The following SLC6A19 variants were observed in gnomAD, a reference collection of about 807,000 sequenced individuals.
SLC6A19 encodes sodium-dependent neutral amino acid transporter B(0)AT1.
In SLC6A19, 67 loss-of-function variants were observed where a neutral mutation model predicts 68.3. The observed-to-expected ratio is 0.98, with a 90% CI of 0.81 to 1.20. The LOEUF (loss-of-function observed/expected upper bound fraction) is 1.20. SLC6A19 is among the 50% of genes most tolerant of loss of function. The pLI is 0.00. For synonymous variants in SLC6A19, 392 were observed against 374.9 expected (o/e 1.05, Z -0.53); for missense variants, 813 against 851.6 (o/e 0.95, Z 0.56).
chr5:1,222,525 G>A lies in SLC6A19; in HGVS notation c.*621G>A. On this transcript the variant is annotated 3_prime_UTR_variant, in exon 12 of 12. Coordinates refer to ENST00000304460, the MANE Select transcript of SLC6A19 (RefSeq NM_001003841.3). ...GTGTGACGTGTGTATATGTGAGCAT[G>A]TGTACGTGTGTGTATACGTGTGTTG... is the stretch of plus-strand genomic sequence containing the variant. 2.5e-6 allele frequency: 1 copy of A among 406,726 alleles called. No homozygotes were observed. The highest frequency in any genetic ancestry group is 4.4e-6 in the Non-Finnish European group (1 of 229,228). The allele number at this position is 406,726 out of a possible 1,614,324, so 25.2% of individuals were successfully genotyped here.
At chr5:1,220,236 G>A (rs539434863) in intron 10 of SLC6A19, among the ~76,000 whole-genome samples, 10 of 151,880 alleles carry the variant, frequency 6.6e-5, no homozygotes, top group Non-Finnish European at 1.3e-4. Flanking sequence ...GCGATGAAAC[G>A]CCGTCTCTAC....
At position 1,216,604 on chromosome 5, in the gene SLC6A19, T is replaced by C. The variant is rs781694271; in HGVS notation, c.934T>C (p.Phe312Leu). ...GGTGATTGTGTCCATCATCAACGGCTTCACATCGGTGTATGTGGCCATCGT... is the reference window on the plus strand; with the variant it reads ...GGTGATTGTGTCCATCATCAACGGCCTCACATCGGTGTATGTGGCCATCGT... The part of the protein sequence containing the change: ...DSVIVSIING[F>L]TSVYVAIVVY... The change falls in exon 7 of 12, where the codon TTC becomes CTC. Residue 312 changes from phenylalanine to leucine, a missense_variant. Phe to Leu is a conservative substitution (Grantham distance 22). Transcript: ENST00000304460. 8.7e-6 allele frequency: 14 copies of C among 1,614,056 alleles called. No individual in the cohort carries two copies. The highest frequency in any genetic ancestry group is 1.2e-5 in the Non-Finnish European group (14 of 1,180,056).
rs746261979 is a variant in SLC6A19 at position 1,219,076 on chromosome 5, C to A, written c.1347C>A (p.Ile449=). 1.2e-6 allele frequency: 2 copies of A among 1,613,730 alleles called. No individual in the cohort carries two copies. The highest frequency in any genetic ancestry group is 2.7e-5 in the African/African-American group (2 of 75,048). Residue 449 remains isoleucine (I), a synonymous_variant, in exon 9 of 12, where the codon ATC becomes ATA. Coordinates refer to ENST00000304460, the MANE Select transcript of SLC6A19 (RefSeq NM_001003841.3). ...VVVPLQDLRV[I]PPKWPKEVLT... ...TGCCCCTGCAGGACCTCAGAGTCAT[C>A]CCCCCGAAGTGGCCCAAGGAGGTGC... is the stretch of plus-strand genomic sequence containing the variant.
rs369605197 is a variant in SLC6A19 at position 1,208,836 on chromosome 5, G to A, written c.293G>A (p.Arg98Gln). The stretch of plus-strand genomic sequence containing the variant: ...TTCGCCATCGGGCAGCGGCTGCGGC[G>A]GGGCAGCCTGGGTGTGTGGAGCTCC... ...LEFAIGQRLR[R>Q]GSLGVWSSIH... Residue 98 changes from arginine (R) to glutamine (Q), a missense_variant, in exon 2 of 12, where the codon CGG (arginine) becomes CAG (glutamine). Transcript: ENST00000304460. The A allele has an allele frequency of 2.5e-5, 40 of 1,613,042 alleles. No homozygotes were observed. Among genetic ancestry groups the A allele is most frequent in the African/African-American group, 1.2e-4 (9 of 75,046 alleles).
Position 1,213,722 on chromosome 5 carries a change from C to T in SLC6A19, c.774+149C>T, listed in dbSNP as rs539547353. 148 of 1,055,162 alleles carry T rather than the reference C, an allele frequency of 1.4e-4. 1 individual carries two copies. Among genetic ancestry groups the T allele is most frequent in the South Asian group, 1.0e-3 (77 of 73,460 alleles). 65.4% of individuals were successfully genotyped at this position (1,055,162 alleles called of 1,614,324 possible). A position where few individuals can be genotyped will look rare whatever the true frequency, so the allele number is the denominator to read the frequency against. ...GGCCTGAGGAGGTCCACGGGGCCAG[C>T]GAGGGCAAGGCCTGTCCCTGGGGCC... On this transcript the variant is annotated intron_variant, in intron 5 of 11. Coordinates refer to ENST00000304460, the MANE Select transcript of SLC6A19 (RefSeq NM_001003841.3).
intron 8 of SLC6A19, among the ~76,000 whole-genome samples, chr5:1,217,802 C>G (rs1746249511): frequency 6.6e-6 from 1 of 152,252 alleles, no homozygotes; most frequent in Non-Finnish European, 1.5e-5. Flanking sequence ...CAGCCATGTG[C>G]AGCACCCCCG....
Position 1,212,995 on chromosome 5 carries a change from A to G in SLC6A19, c.664-468A>G, listed in dbSNP as rs1278769230. Among the ~76,000 whole-genome samples, 2 of 58,050 alleles carry G rather than the reference A, an allele frequency of 3.4e-5. No homozygotes were observed. The highest frequency in any genetic ancestry group is 9.8e-4 in the East Asian group (2 of 2,038). The allele number at this position is 58,050 out of a possible 152,430, so 38.1% of individuals were successfully genotyped here. On this transcript the variant is annotated intron_variant, in intron 4 of 11. Coordinates refer to ENST00000304460, the MANE Select transcript of SLC6A19 (RefSeq NM_001003841.3). The surrounding 1 kb of genome is among the most constrained non-coding windows in gnomAD (Gnocchi z 5.1). ...CACGGCCCCCCTCCGCACCATCCCA[A>G]ATACCCAGGCTCCCGCAGGCCCTGC...
chr5:1,221,083 G>A (rs751076126), intron 10 of SLC6A19, 68 bp from the exon 11 acceptor site: 419 of 1,572,390 alleles, frequency 2.7e-4, no homozygotes, highest in Non-Finnish European at 3.5e-4. Context: ...GTAGCAGAAC[G>A]TACAGAAAGC....
In SLC6A19 at chr5:1,212,887, G is replaced by A. The variant is rs1289551805; in HGVS notation, c.663+403G>A. Among the ~76,000 whole-genome samples, 2 of 152,048 alleles carry A rather than the reference G, an allele frequency of 1.3e-5. No homozygotes were observed. Among genetic ancestry groups the A allele is most frequent in the East Asian group, 1.9e-4 (1 of 5,188 alleles). ...GAATCTTTGGTACGAGGTCCAGAGC[G>A]GCCATCCCTTTCTTCTGGTGGGCCG... On this transcript the variant is annotated intron_variant, in intron 4 of 11. Transcript: ENST00000304460. This position sits in a 1 kb window ranked among gnomAD's most constrained non-coding sequence, Gnocchi z 5.1.
intron 5 of SLC6A19, 42 bp from the exon 6 acceptor site, chr5:1,213,911 C>A: frequency 2.5e-6 from 4 of 1,609,936 alleles, no homozygotes; most frequent in Non-Finnish European, 3.4e-6. Flanking sequence ...CCCCATGGCC[C>A]CATCTGCACC....
At position 1,214,696 on chromosome 5, in the gene SLC6A19, A is replaced by G. The variant is rs897767943; in HGVS notation, c.887+631A>G. On this transcript the variant is annotated intron_variant, in intron 6 of 11. Transcript: ENST00000304460. The surrounding 1 kb of genome is among the most constrained non-coding windows in gnomAD (Gnocchi z 7.4). Reference sequence around the variant, plus strand: ...AGAAGTTGTCCTCTGTGTGGTGACCAGAATTTCAGAGCAGAAGGGGCTGGG... The same window carrying G: ...AGAAGTTGTCCTCTGTGTGGTGACCGGAATTTCAGAGCAGAAGGGGCTGGG... Among the ~76,000 whole-genome samples, 1 of 152,184 alleles carries G rather than the reference A, an allele frequency of 6.6e-6. No individual in the cohort carries two copies. The highest frequency in any genetic ancestry group is 2.4e-5 in the African/African-American group (1 of 41,444).
intron 8 of SLC6A19, 41 bp downstream of exon 8, chr5:1,216,986 C>G (rs1746229975): frequency 6.2e-7 from 1 of 1,610,510 alleles, no homozygotes; most frequent in Non-Finnish European, 8.5e-7. Flanking sequence ...GAGGGCACCC[C>G]TTGCTGGCAC....
intron 1 of SLC6A19, among the ~76,000 whole-genome samples, chr5:1,206,872 G>C (rs1216216080): frequency 6.6e-6 from 1 of 152,204 alleles, no homozygotes; most frequent in African/African-American, 2.4e-5. Flanking sequence ...CAGGCTCACT[G>C]GGGTTTGGGA....
rs1745994885 is a variant in SLC6A19 at position 1,210,519 on chromosome 5, T to C, written c.419T>C (p.Leu140Ser). 1 of 1,613,490 alleles carries C rather than the reference T, an allele frequency of 6.2e-7. No individual in the cohort carries two copies. Among genetic ancestry groups the C allele is most frequent in the Non-Finnish European group, 8.5e-7 (1 of 1,180,024 alleles). Residue 140 changes from leucine to serine, a missense_variant, in exon 3 of 12, where the codon TTA becomes TCA. By Grantham distance (145) the Leu-to-Ser change is moderately radical. Transcript: ENST00000304460. The part of the protein sequence containing the change: ...NTIISWIMWY[L>S]FNSFQEPLPW... ...ATCATCTCCTGGATCATGTGGTACT[T>C]ATTCAACTCCTTCCAGGAGCCTCTG...
rs1163156899 is a variant in SLC6A19 at position 1,210,371 on chromosome 5, T to C, written c.344-73T>C. On this transcript the variant is annotated intron_variant, in intron 2 of 11. Coordinates refer to ENST00000304460, the MANE Select transcript of SLC6A19 (RefSeq NM_001003841.3). Reference sequence around the variant, plus strand: ...ACCCTGTGCCAGCCCTGGGACCTCCTGCTCAGAGTGGGGATGGGTGGCCAG... The same window carrying C: ...ACCCTGTGCCAGCCCTGGGACCTCCCGCTCAGAGTGGGGATGGGTGGCCAG... The C allele has an allele frequency of 3.1e-6, 5 of 1,597,766 alleles. No homozygotes were observed. The African/African-American group carries it at 5.3e-5, about 17-fold the overall frequency.
Position 1,212,282 on chromosome 5 carries a change from T to C in SLC6A19, c.482-21T>C, listed in dbSNP as rs1746061078. ...CTTGGGGGACCCGTACCCTGAGGTG[T>C]GTGAATGGCCCTCTCCCCAGGGTAT... On this transcript the variant is annotated intron_variant, in intron 3 of 11. Coordinates refer to ENST00000304460, the MANE Select transcript of SLC6A19 (RefSeq NM_001003841.3). This position sits in a 1 kb window ranked among gnomAD's most constrained non-coding sequence, Gnocchi z 5.1. 6.2e-7 allele frequency: 1 copy of C among 1,612,364 alleles called. No individual in the cohort carries two copies. Among genetic ancestry groups the C allele is most frequent in the South Asian group, 1.1e-5 (1 of 91,082 alleles).
In SLC6A19 at chr5:1,213,433, C is replaced by T. The variant is rs141179638; in HGVS notation, c.664-30C>T. On this transcript the variant is annotated intron_variant, in intron 4 of 11. Transcript: ENST00000304460. ...CCGCATGCCTGGCCCCCCAACTTCC[C>T]GCCCATCCCACATGTCCCGCCCTCC... The T allele has an allele frequency of 4.5e-4, 686 of 1,527,404 alleles. 1 individual carries two copies. Among genetic ancestry groups the T allele is most frequent in the Admixed American group, 9.2e-4 (51 of 55,624 alleles). The allele number at this position is 1,527,404 out of a possible 1,614,324, so 94.6% of individuals were successfully genotyped here.
rs1434225051 is a variant in SLC6A19, at chr5:1,212,177, C to T, written c.482-126C>T. The T allele has an allele frequency of 2.4e-5, 27 of 1,109,788 alleles. No individual in the cohort carries two copies. The highest frequency in any genetic ancestry group is 2.2e-4 in the Middle Eastern group (1 of 4,536). The allele number at this position is 1,109,788 out of a possible 1,614,324, so 68.7% of individuals were successfully genotyped here. A position where few individuals can be genotyped will look rare whatever the true frequency, so the allele number is the denominator to read the frequency against. On this transcript the variant is annotated intron_variant, in intron 3 of 11. Coordinates refer to ENST00000304460, the MANE Select transcript of SLC6A19 (RefSeq NM_001003841.3). This position sits in a 1 kb window ranked among gnomAD's most constrained non-coding sequence, Gnocchi z 5.1. ...GCATGTGTGCCTGTGTTCATGTGCA[C>T]GTGTGGGCGTGTCACTGGTGTCAAG...
intron 1 of SLC6A19, among the ~76,000 whole-genome samples, chr5:1,203,942 A>C (rs987570326): frequency 1.3e-5 from 2 of 152,180 alleles, no homozygotes; most frequent in Non-Finnish European, 2.9e-5. Context: ...ACCCGGCGAC[A>C]CAGGGTCCCC....
Sources: allele counts gnomAD v4.1 joint callset (sites outside exome capture counted in the v4.1 genomes callset), GRCh38; gene constraint gnomAD v4.1.1; non-coding constraint Gnocchi (gnomAD v3.1); transcripts MANE v1.5; gene names NCBI Gene and HGNC (gene_info 2026-07-23, HGNC 2026-07-21).